GABRP: variants seen among roughly 807,000 people sequenced by gnomAD.
GABRP encodes the protein gamma-aminobutyric acid receptor subunit pi.
Under a neutral mutation model 47.8 loss-of-function variants are expected in GABRP, and 52 were observed. That is an observed-to-expected ratio of 1.09 (90% CI 0.87 to 1.37). The LOEUF (loss-of-function observed/expected upper bound fraction) is 1.37. Among genes scored for constraint, GABRP ranks in the 40% most tolerant of loss-of-function variants. The pLI is 0.00. For synonymous variants in GABRP, 221 were observed against 205.8 expected (o/e 1.07, Z -0.63); for missense variants, 525 against 542.8 (o/e 0.97, Z 0.33).
chr5:170,810,892 G>C (rs554593290), intron 9 of GABRP, among the ~76,000 whole-genome samples: 1 of 151,818 alleles, frequency 6.6e-6, no homozygotes, highest in Non-Finnish European at 1.5e-5. Context: ...GCTCCCTTAG[G>C]CTTCCTTATG....
At chr5:170,800,668 A>G (rs572015383) in intron 6 of GABRP, among the ~76,000 whole-genome samples, 164 of 152,168 alleles carry the variant, frequency 1.1e-3, no homozygotes, top group Non-Finnish European at 1.5e-3. Context: ...TAAATGGGCA[A>G]GGCACAGTGG....
At chr5:170,791,722 ACACGGATCTATGG>A (rs1026123121) in intron 3 of GABRP, among the ~76,000 whole-genome samples, 19 of 152,254 alleles carry the variant, frequency 1.2e-4, no homozygotes, top group African/African-American at 4.6e-4. Flanking sequence ...AGGGCAACTA[ACACGGATCTATGG>A]CACTTAAAGT....
chr5:170,791,534 G>C (rs1765269172), intron 3 of GABRP, among the ~76,000 whole-genome samples: 1 of 152,248 alleles, frequency 6.6e-6, no homozygotes, highest in African/African-American at 2.4e-5. Context: ...GTTCCTGGGA[G>C]AAAGCTGCCC....
In GABRP at chr5:170,795,366, C is replaced by T. The variant is rs371897449; in HGVS notation, c.399C>T (p.Val133=). 5 of 1,614,114 alleles carry T rather than the reference C, an allele frequency of 3.1e-6. No individual in the cohort carries two copies. The highest frequency in any genetic ancestry group is 2.2e-5 in the South Asian group (2 of 91,070). ...CCAAGAAGTCCTTCCTCCATGAAGT[C>T]ACTGTGGGAAACAGGCTCATCCGCC... ...VESKKSFLHE[V]TVGNRLIRLF... The change falls in exon 5 of 10, where the codon GTC becomes GTT. Residue 133 remains valine (V), a synonymous_variant. Coordinates refer to ENST00000265294, the MANE Select transcript of GABRP (RefSeq NM_014211.3).
chr5:170,787,701 G>A (rs3792814), intron 1 of GABRP, among the ~76,000 whole-genome samples: 64,187 of 151,866 alleles, frequency 0.42, 14,153 homozygotes, highest in African/African-American at 0.51. Context: ...TTTCCTTGTC[G>A]TAATAATATA....
intron 6 of GABRP, among the ~76,000 whole-genome samples, chr5:170,805,391 C>G (rs180908649): frequency 2.0e-5 from 3 of 152,080 alleles, no homozygotes; most frequent in African/African-American, 7.2e-5. Context: ...AGTATCTTTG[C>G]GTGTTCACAG....
chr5:170,795,842 G>A (rs1765412206), intron 5 of GABRP, among the ~76,000 whole-genome samples: 1 of 152,222 alleles, frequency 6.6e-6, no homozygotes, highest in Non-Finnish European at 1.5e-5. Flanking sequence ...CGACAGAGAG[G>A]TGCATGCAAG....
At position 170,805,740 on chromosome 5, in the gene GABRP, A is replaced by C. The variant is rs1489462189; in HGVS notation, c.566A>C (p.Glu189Ala). 3 of 1,614,168 alleles carry C rather than the reference A, an allele frequency of 1.9e-6. No individual in the cohort carries two copies. Among genetic ancestry groups the C allele is most frequent in the South Asian group, 2.2e-5 (2 of 91,084 alleles). Residue 189 changes from glutamate (E) to alanine (A), a missense_variant, in exon 7 of 10, where the codon GAG becomes GCG. By Grantham distance (107) the Glu-to-Ala change is moderately radical. Transcript: ENST00000265294. ...GGGGGCTATGATGGAAATGATGTGG[A>C]GTTCACCTGGCTGAGAGGGAACGAC... Reference protein sequence around the residue: ...ESWGYDGNDVEFTWLRGNDSV... With the variant: ...ESWGYDGNDVAFTWLRGNDSV...
intron 3 of GABRP, among the ~76,000 whole-genome samples, chr5:170,791,756 A>G (rs1361044380): frequency 6.6e-6 from 1 of 152,230 alleles, no homozygotes; most frequent in African/African-American, 2.4e-5. Context: ...AGATGCCGTA[A>G]CCGTGCCAAC....
chr5:170,785,646 T>G (rs770238403), intron 1 of GABRP, among the ~76,000 whole-genome samples: 1 of 152,152 alleles, frequency 6.6e-6, no homozygotes, highest in Non-Finnish European at 1.5e-5. Context: ...CTAACAGAAG[T>G]TTGGCCACTG....
chr5:170,792,234 G>A (rs769690100), intron 3 of GABRP, among the ~76,000 whole-genome samples: 1 of 152,136 alleles, frequency 6.6e-6, no homozygotes, highest in Non-Finnish European at 1.5e-5. Context: ...CCTGAGGTCA[G>A]GAGTTAGAGA....
intron 1 of GABRP, among the ~76,000 whole-genome samples, chr5:170,786,349 CTAACA>C (rs1448829592): frequency 4.6e-5 from 7 of 152,140 alleles, no homozygotes; most frequent in Non-Finnish European, 1.0e-4. Context: ...AACAAAAAAG[CTAACA>C]TAACAGAGAG....
At chr5:170,789,849 G>C (rs1039804829) in intron 3 of GABRP, among the ~76,000 whole-genome samples, 1 of 152,036 alleles carries the variant, frequency 6.6e-6, no homozygotes, top group Non-Finnish European at 1.5e-5. Context: ...CCTTTACAGA[G>C]GCTTTCTTCC....
intron 3 of GABRP, 54 bp from the exon 4 acceptor site, chr5:170,794,177 A>G: frequency 7.9e-7 from 1 of 1,260,216 alleles, no homozygotes; most frequent in East Asian, 2.3e-5. Flanking sequence ...CTAATATAGT[A>G]TTAAGACAGC....
At chr5:170,797,720 T>A (rs1243016407) in intron 6 of GABRP, among the ~76,000 whole-genome samples, 172 bp downstream of exon 6, 1 of 152,236 alleles carries the variant, frequency 6.6e-6, no homozygotes. Flanking sequence ...CTCAAAGATA[T>A]GCCTAATATC....
chr5:170,789,419 A>C (rs1268959694), intron 3 of GABRP, among the ~76,000 whole-genome samples, 172 bp downstream of exon 3: 3 of 152,162 alleles, frequency 2.0e-5, no homozygotes, highest in Non-Finnish European at 2.9e-5. Context: ...CTGCCTGGAA[A>C]AAGGCACCCA....
rs777169201 is a variant in GABRP at position 170,794,215 on chromosome 5, T to C, written c.173-16T>C. 2 of 1,523,700 alleles carry C rather than the reference T, an allele frequency of 1.3e-6. No individual in the cohort carries two copies. The highest frequency in any genetic ancestry group is 1.8e-6 in the Non-Finnish European group (2 of 1,111,554). The allele number at this position is 1,523,700 out of a possible 1,614,324, so 94.4% of individuals were successfully genotyped here. ...ATGGTTGTGTTTCCATTCTTTCTTG[T>C]TTTTTTTTATCTTAGGAGAACCCGT... On this transcript the variant is annotated splice_polypyrimidine_tract_variant and intron_variant, in intron 3 of 9. Transcript: ENST00000265294.
In GABRP at chr5:170,795,349, T is replaced by A. The variant is rs1197607350; in HGVS notation, c.382T>A (p.Ser128Thr). 2.5e-6 allele frequency: 4 copies of A among 1,614,036 alleles called. No individual in the cohort carries two copies. Among genetic ancestry groups the A allele is most frequent in the Non-Finnish European group, 3.4e-6 (4 of 1,179,996 alleles). ...PDTYIVESKKSFLHEVTVGNR... is the reference protein window; with the variant it reads ...PDTYIVESKKTFLHEVTVGNR... ...TACTTACATTGTGGAGTCCAAGAAG[T>A]CCTTCCTCCATGAAGTCACTGTGGG... is the stretch of plus-strand genomic sequence containing the variant. Residue 128 changes from serine (S) to threonine (T), a missense_variant, in exon 5 of 10, where the codon TCC becomes ACC. Physicochemically the swap from Ser to Thr is moderately conservative, Grantham distance 58. Coordinates refer to ENST00000265294, the MANE Select transcript of GABRP (RefSeq NM_014211.3).
intron 3 of GABRP, among the ~76,000 whole-genome samples, chr5:170,791,024 T>A (rs1265057236): frequency 1.3e-5 from 2 of 152,206 alleles, no homozygotes; most frequent in African/African-American, 4.8e-5. Context: ...ACTGAACACG[T>A]ATGACAAGCA....
Sources: gnomAD v4.1 joint callset for allele counts (sites outside exome capture counted in the v4.1 genomes callset) on GRCh38, gnomAD v4.1.1 for gene constraint, MANE v1.5 for transcripts, NCBI Gene and HGNC (gene_info 2026-07-23, HGNC 2026-07-21) for gene names.